The following KLF15 variants were observed in gnomAD, a reference collection of about 807,000 sequenced individuals.
The protein encoded by KLF15 is KLF transcription factor 15.
In KLF15, 4 loss-of-function variants were observed where a neutral mutation model predicts 24.6. The ratio of observed to expected loss-of-function variants is 0.16; its 90% CI spans 0.08 to 0.37. The LOEUF is 0.37. Ranked by LOEUF, KLF15 falls within the 10% of genes least tolerant of loss-of-function variation. The probability of loss-of-function intolerance (pLI) is 1.00; values close to 1 mark genes in which losing one functional copy is unlikely to be tolerated. For missense variants in KLF15, 496 were observed against 560.6 expected (o/e 0.88, Z 1.16); for synonymous variants, 246 against 236.3 (o/e 1.04, Z -0.37).
the KLF15 span, among the ~76,000 whole-genome samples, chr3:126,336,014 G>A: frequency 1.3e-4 from 19 of 140,836 alleles, no homozygotes; most frequent in African/African-American, 5.1e-4. Context: ...GTAATTTACA[G>A]ATTCAATGCC....
At chr3:126,345,002 C>T (rs1294619677) in intron 2 of KLF15, among the ~76,000 whole-genome samples, 3 of 152,088 alleles carry the variant, frequency 2.0e-5, no homozygotes, top group Non-Finnish European at 2.9e-5. Context: ...ACCCCTCCCA[C>T]GACACACTAT....
the KLF15 span, among the ~76,000 whole-genome samples, chr3:126,313,209 G>A: frequency 6.6e-6 from 1 of 152,276 alleles, no homozygotes; most frequent in South Asian, 2.1e-4. Flanking sequence ...GACAACATGG[G>A]GACACAGCGA....
chr3:126,293,601 C>A, the KLF15 span, among the ~76,000 whole-genome samples: 1 of 152,158 alleles, frequency 6.6e-6, no homozygotes, highest in Non-Finnish European at 1.5e-5. Context: ...ATGCCTCTCA[C>A]CCCAGGGCTC....
the KLF15 span, among the ~76,000 whole-genome samples, chr3:126,307,225 C>T: frequency 1.3e-5 from 2 of 152,158 alleles, no homozygotes; most frequent in Non-Finnish European, 2.9e-5. Context: ...CCCCCACTCC[C>T]AAAGGACTTG....
downstream of KLF15, among the ~76,000 whole-genome samples, chr3:126,341,959 G>A (rs2082482457): frequency 6.6e-6 from 1 of 152,078 alleles, no homozygotes; most frequent in African/African-American, 2.4e-5. Flanking sequence ...ATTCCCTGTG[G>A]GGCTCATAGC....
At chr3:126,347,827 G>T (rs563349974) in intron 2 of KLF15, among the ~76,000 whole-genome samples, 1 of 152,184 alleles carries the variant, frequency 6.6e-6, no homozygotes, top group Non-Finnish European at 1.5e-5. Flanking sequence ...GGCAGGTGAC[G>T]ACCTCAGCAG....
chr3:126,338,015 C>T (rs1437333048), downstream of KLF15, among the ~76,000 whole-genome samples: 2 of 152,228 alleles, frequency 1.3e-5, no homozygotes, highest in Admixed American at 6.5e-5. Flanking sequence ...TGTGGCTCCT[C>T]ATGACCATCT....
chr3:126,318,324 C>T, the KLF15 span, among the ~76,000 whole-genome samples: 1 of 152,178 alleles, frequency 6.6e-6, no homozygotes, highest in Admixed American at 6.5e-5. Context: ...TCATTCCCTT[C>T]CATATGCCCA....
downstream of KLF15, among the ~76,000 whole-genome samples, chr3:126,337,865 A>T (rs2082450334): frequency 6.6e-6 from 1 of 151,904 alleles, no homozygotes; most frequent in South Asian, 2.1e-4. Flanking sequence ...ACAGATGGGG[A>T]ATTTGAAGTT....
intron 2 of KLF15, among the ~76,000 whole-genome samples, chr3:126,344,959 C>A (rs2082520983): frequency 6.6e-6 from 1 of 152,206 alleles, no homozygotes; most frequent in South Asian, 2.1e-4. Flanking sequence ...CTCTCCACCC[C>A]TGGCTTGGCA....
the KLF15 span, among the ~76,000 whole-genome samples, chr3:126,307,326 T>A: frequency 1.3e-5 from 2 of 152,132 alleles, no homozygotes; most frequent in Non-Finnish European, 2.9e-5. Context: ...GGGCCTGAAA[T>A]GGGCCACCAT....
the KLF15 span, among the ~76,000 whole-genome samples, chr3:126,288,589 A>G: frequency 6.6e-6 from 1 of 152,214 alleles, no homozygotes; most frequent in South Asian, 2.1e-4. Context: ...GGACACCAAC[A>G]GCGTCCTCTG....
chr3:126,323,070 G>T, the KLF15 span, among the ~76,000 whole-genome samples: 1 of 145,272 alleles, frequency 6.9e-6, no homozygotes, highest in Admixed American at 6.9e-5. Context: ...TATACATATT[G>T]ACATTTGCAC....
At chr3:126,305,209 G>T in the KLF15 span, among the ~76,000 whole-genome samples, 20 of 152,306 alleles carry the variant, frequency 1.3e-4, 1 homozygote, top group South Asian at 4.2e-3. Context: ...CTATGGCCTG[G>T]ATTTCTATAA....
At chr3:126,335,622 G>A in the KLF15 span, among the ~76,000 whole-genome samples, 1 of 145,588 alleles carries the variant, frequency 6.9e-6, no homozygotes. Flanking sequence ...TAGGAAAAGA[G>A]GAAGTCAAAT....
At position 126,357,265 on chromosome 3, in the gene KLF15, C is replaced by CCAGGCCCCGGCGGT. The variant is rs2082641345; in HGVS notation, c.-68_-55dup. On this transcript the variant is annotated 5_prime_UTR_variant, in exon 1 of 3. Coordinates refer to ENST00000296233, the MANE Select transcript of KLF15 (RefSeq NM_014079.4). ...AACTTGGCGCACGCCGGACCGGCGGCCAGGCCCCGGCGGTCCTGCGGCCGG... is the reference window on the plus strand; with the variant it reads ...AACTTGGCGCACGCCGGACCGGCGGCCAGGCCCCGGCGGTCAGGCCCCGGCGGTCCTGCGGCCGG... The CCAGGCCCCGGCGGT allele has an allele frequency of 1.3e-5, 2 of 148,670 alleles. No homozygotes were observed. The highest frequency in any genetic ancestry group is 4.1e-4 in the South Asian group (2 of 4,826). 9.2% of individuals were successfully genotyped at this position (148,670 alleles called of 1,614,324 possible).
the KLF15 span, among the ~76,000 whole-genome samples, chr3:126,320,361 G>C: frequency 6.6e-5 from 10 of 152,230 alleles, no homozygotes; most frequent in Non-Finnish European, 1.2e-4. Flanking sequence ...ATGTAGCCAT[G>C]AATGAAATTG....
At chr3:126,290,971 G>A in the KLF15 span, 2 of 152,188 alleles carry the variant, frequency 1.3e-5, no homozygotes, top group African/African-American at 4.8e-5. Context: ...CTTCAGAGAA[G>A]GTGACAGAGG....
the KLF15 span, among the ~76,000 whole-genome samples, chr3:126,315,023 T>G: frequency 6.6e-6 from 1 of 152,074 alleles, no homozygotes; most frequent in African/African-American, 2.4e-5. Flanking sequence ...GATGTCTGCT[T>G]CTGAGATAGC....
Sources: gnomAD v4.1 joint callset for allele counts (sites outside exome capture counted in the v4.1 genomes callset) on GRCh38, gnomAD v4.1.1 for gene constraint, MANE v1.5 for transcripts, NCBI Gene and HGNC (gene_info 2026-07-23, HGNC 2026-07-21) for gene names.